The following MLIP variants were observed in gnomAD, a reference collection of about 807,000 sequenced individuals.
MLIP encodes the protein muscular LMNA interacting protein, also known as muscular LMNA-interacting protein.
MLIP carries 79 observed loss-of-function variants against 84.8 expected under a neutral mutation model. That is an observed-to-expected ratio of 0.93 (90% CI 0.78 to 1.12). The LOEUF is 1.12. MLIP is among the 50% of genes most tolerant of loss of function. The probability of loss-of-function intolerance (pLI) is 0.00; values close to 1 mark genes in which losing one functional copy is unlikely to be tolerated. For missense variants in MLIP, 1,257 were observed against 1,160.6 expected (o/e 1.08, Z -1.21); for synonymous variants, 504 against 463.0 (o/e 1.09, Z -1.14).
At chr6:54,034,690 A>T (rs1359560) in intron 1 of MLIP, among the ~76,000 whole-genome samples, 149,276 of 152,246 alleles carry the variant, frequency 0.98, 73,214 homozygotes, top group East Asian at 1. Context: ...TGTAAAAAGT[A>T]CATAAAGTAA....
chr6:54,164,368 A>T (rs1774970708), intron 8 of MLIP, among the ~76,000 whole-genome samples: 1 of 151,944 alleles, frequency 6.6e-6, no homozygotes, highest in Non-Finnish European at 1.5e-5. Flanking sequence ...CCTTGATCTA[A>T]TATTCCAGTT....
intron 1 of MLIP, among the ~76,000 whole-genome samples, chr6:54,058,507 C>A (rs1267969243): frequency 6.6e-6 from 1 of 152,164 alleles, no homozygotes; most frequent in Non-Finnish European, 1.5e-5. Context: ...GGCCTTATGG[C>A]CATCTGCCTA....
chr6:54,242,252 A>G (rs572932289), intron 12 of MLIP, among the ~76,000 whole-genome samples: 10 of 152,270 alleles, frequency 6.6e-5, no homozygotes, highest in African/African-American at 2.4e-4. Flanking sequence ...TTCTTTTCTT[A>G]AACTCCTTGG....
chr6:54,238,424 C>T (rs1781506095), intron 12 of MLIP, among the ~76,000 whole-genome samples: 1 of 152,168 alleles, frequency 6.6e-6, no homozygotes, highest in Admixed American at 6.5e-5. Context: ...CACTTAATTA[C>T]TCAGTTTTAT....
Position 54,204,852 on chromosome 6 carries a change from T to C in MLIP, c.2718+2619T>C, listed in dbSNP as rs115465886. Reference sequence around the variant, plus strand: ...TTAAGTTACCACAGACCTAATCTTATCTATATTTTCTTTCAACCAATTTAT... The same window carrying C: ...TTAAGTTACCACAGACCTAATCTTACCTATATTTTCTTTCAACCAATTTAT... On this transcript the variant is annotated intron_variant, in intron 11 of 13. Transcript: ENST00000502396. Among the ~76,000 whole-genome samples the C allele has an allele frequency of 2.5e-3, 381 of 152,342 alleles. 1 individual carries two copies. Among genetic ancestry groups the C allele is most frequent in the African/African-American group, 8.6e-3 (357 of 41,588 alleles).
At chr6:54,083,575 C>G in intron 1 of MLIP, 1 of 1,536,006 alleles carries the variant, frequency 6.5e-7, no homozygotes, top group Non-Finnish European at 8.7e-7. Context: ...ACACGTGGCA[C>G]CGGATTCCAT....
intron 11 of MLIP, among the ~76,000 whole-genome samples, chr6:54,213,948 A>T (rs1582522681): frequency 6.6e-6 from 1 of 152,234 alleles, no homozygotes; most frequent in Middle Eastern, 3.4e-3. Context: ...TGGTACTTTG[A>T]CTACCTGACT....
At chr6:54,226,469 T>C (rs1240210663) in intron 11 of MLIP, among the ~76,000 whole-genome samples, 1 of 152,186 alleles carries the variant, frequency 6.6e-6, no homozygotes, top group Non-Finnish European at 1.5e-5. Context: ...CCCTGTACAG[T>C]GAAACTCAAA....
chr6:54,049,180 C>A (rs1037996291), intron 1 of MLIP, among the ~76,000 whole-genome samples: 5 of 152,134 alleles, frequency 3.3e-5, no homozygotes, highest in African/African-American at 7.2e-5. Context: ...CAGCAAATAC[C>A]TAAAGCCCAC....
At chr6:54,171,322 A>G (rs756785657) in intron 9 of MLIP, among the ~76,000 whole-genome samples, 5 of 151,694 alleles carry the variant, frequency 3.3e-5, no homozygotes, top group Admixed American at 6.6e-5. Flanking sequence ...GCTAGAACAA[A>G]TATAAACTCT....
At chr6:54,173,255 C>A (rs1210539665) in intron 9 of MLIP, among the ~76,000 whole-genome samples, 1 of 151,654 alleles carries the variant, frequency 6.6e-6, no homozygotes, top group Non-Finnish European at 1.5e-5. Context: ...AAGTTTCTGC[C>A]ATTTGATACT....
chr6:54,217,864 G>A (rs1179873683), intron 11 of MLIP: 1 of 985,220 alleles, frequency 1.0e-6, no homozygotes, highest in Non-Finnish European at 1.2e-6. Context: ...AAGCAGGATA[G>A]AGTGATGTTC....
intron 13 of MLIP, among the ~76,000 whole-genome samples, chr6:54,264,447 T>G (rs763063354): frequency 6.6e-6 from 1 of 152,080 alleles, no homozygotes; most frequent in Non-Finnish European, 1.5e-5. Context: ...GGGTTTAATT[T>G]GGAGCACTAT....
chr6:54,095,837 A>G (rs1173155104), intron 1 of MLIP, among the ~76,000 whole-genome samples: 2 of 152,144 alleles, frequency 1.3e-5, no homozygotes, highest in Non-Finnish European at 2.9e-5. Flanking sequence ...ATTTGCTTTC[A>G]TGGTCTCAAG....
chr6:54,052,287 A>G (rs983976057), intron 1 of MLIP, among the ~76,000 whole-genome samples: 10 of 152,178 alleles, frequency 6.6e-5, no homozygotes, highest in African/African-American at 9.6e-5. Context: ...AAATTGGACC[A>G]GGACCAATGG....
chr6:54,063,721 C>CGTGT (rs368630379), intron 1 of MLIP, among the ~76,000 whole-genome samples: 19,362 of 143,096 alleles, frequency 0.14, 1,441 homozygotes, highest in African/African-American at 0.2. Flanking sequence ...AGGTCAGTGG[C>CGTGT]GTGTGTGTGT....
intron 9 of MLIP, among the ~76,000 whole-genome samples, chr6:54,186,540 C>T (rs555770052): frequency 2.6e-5 from 4 of 152,302 alleles, no homozygotes; most frequent in Admixed American, 1.3e-4. Context: ...AATTGAGTCG[C>T]AGTTCTGCAT....
intron 5 of MLIP, among the ~76,000 whole-genome samples, chr6:54,151,554 G>A (rs1261679313): frequency 1.3e-5 from 2 of 152,096 alleles, no homozygotes; most frequent in African/African-American, 4.8e-5. Context: ...GGTTTTCTGA[G>A]ATCCCTTTGA....
rs1582527172 is a variant in MLIP at position 54,215,464 on chromosome 6, C to T, written c.2718+13231C>T. ...TCTTTAAATTTTTTCCAAGTGCTTTCATCTTTATTGCAGTATAATTGACAA... is the reference window on the plus strand; with the variant it reads ...TCTTTAAATTTTTTCCAAGTGCTTTTATCTTTATTGCAGTATAATTGACAA... On this transcript the variant is annotated intron_variant, in intron 11 of 13. Coordinates refer to ENST00000502396, the MANE Select transcript of MLIP (RefSeq NM_001281747.2). 4.5e-6 allele frequency: 5 copies of T among 1,115,518 alleles called. No individual in the cohort carries two copies. The East Asian group carries it at 1.9e-4, about 42-fold the overall frequency. 69.1% of individuals were successfully genotyped at this position (1,115,518 alleles called of 1,614,324 possible).
Sources: gnomAD v4.1 joint callset for allele counts (sites outside exome capture counted in the v4.1 genomes callset) on GRCh38, gnomAD v4.1.1 for gene constraint, MANE v1.5 for transcripts, NCBI Gene and HGNC (gene_info 2026-07-23, HGNC 2026-07-21) for gene names.